Variants in SMURF1 observed in about 807,000 individuals in gnomAD.
SMURF1 encodes the protein SMAD specific E3 ubiquitin protein ligase 1.
Under a neutral mutation model 98.0 loss-of-function variants are expected in SMURF1, and 44 were observed. The observed-to-expected ratio is 0.45, with a 90% CI of 0.35 to 0.58. The LOEUF (loss-of-function observed/expected upper bound fraction) is 0.58. Ranked by LOEUF, SMURF1 falls within the 20% of genes least tolerant of loss-of-function variation. The probability of loss-of-function intolerance (pLI) is 0.00; values close to 1 mark genes in which losing one functional copy is unlikely to be tolerated. For synonymous variants in SMURF1, 396 were observed against 374.9 expected, an observed-to-expected ratio of 1.06 and a Z score of -0.65; for missense variants, 687 against 938.4, an observed-to-expected ratio of 0.73 and a Z score of 3.50.
At chr7:99,054,976 CAT>C in intron 5 of SMURF1, 111 bp from the exon 6 acceptor site, 1 of 980,176 alleles carries the variant, frequency 1.0e-6, no homozygotes, top group Non-Finnish European at 1.6e-6. Flanking sequence ...AAAAACGAGG[CAT>C]ATGTGTATGC....
intron 1 of SMURF1, among the ~76,000 whole-genome samples, chr7:99,072,699 A>G (rs1014002473): frequency 6.6e-6 from 1 of 152,174 alleles, no homozygotes; most frequent in Admixed American, 6.6e-5. Flanking sequence ...AAGGTAATAC[A>G]CTGCAAAAAC....
intron 13 of SMURF1, among the ~76,000 whole-genome samples, chr7:99,039,612 C>G (rs1315022899): frequency 1.3e-5 from 2 of 152,172 alleles, no homozygotes; most frequent in Non-Finnish European, 2.9e-5. Context: ...AAGTGATCCA[C>G]CCACCTCGGC....
At chr7:99,053,458 G>A (rs554914595) in intron 6 of SMURF1, among the ~76,000 whole-genome samples, 9 of 152,148 alleles carry the variant, frequency 5.9e-5, no homozygotes, top group South Asian at 2.1e-4. Context: ...ATCAAATACC[G>A]GTGTTCAGAT....
intron 1 of SMURF1, among the ~76,000 whole-genome samples, chr7:99,109,146 G>A (rs952249020): frequency 4.6e-5 from 7 of 152,160 alleles, no homozygotes; most frequent in Admixed American, 2.0e-4. Context: ...GAGGATGGAA[G>A]ATGACAGGAG....
intron 1 of SMURF1, among the ~76,000 whole-genome samples, chr7:99,118,997 A>G (rs1179437614): frequency 2.3e-5 from 3 of 130,536 alleles, no homozygotes; most frequent in Non-Finnish European, 4.7e-5. Context: ...AGAAGCTAAC[A>G]TGCCAATTTT....
intron 1 of SMURF1, among the ~76,000 whole-genome samples, chr7:99,117,766 A>G (rs777246066): frequency 2.1e-4 from 32 of 152,090 alleles, no homozygotes; most frequent in African/African-American, 2.9e-4. Context: ...TGGAAATCAT[A>G]TATCTGATGA....
chr7:99,071,419 T>C (rs1403224878), intron 1 of SMURF1, among the ~76,000 whole-genome samples: 1 of 152,194 alleles, frequency 6.6e-6, no homozygotes, highest in Non-Finnish European at 1.5e-5. Flanking sequence ...CCGTCATTTT[T>C]ACATCTTAAG....
chr7:99,040,295 G>T (rs111601543), intron 13 of SMURF1, 83 bp downstream of exon 13: 1 of 697,646 alleles, frequency 1.4e-6, no homozygotes, highest in Non-Finnish European at 1.8e-6. Flanking sequence ...ACACACACAC[G>T]CGCGCGCGCG....
At chr7:99,112,660 G>A (rs920153745) in intron 1 of SMURF1, among the ~76,000 whole-genome samples, 3 of 152,146 alleles carry the variant, frequency 2.0e-5, no homozygotes, top group African/African-American at 7.2e-5. Context: ...CCCTGAGGAA[G>A]CCTAGTCACT....
At chr7:99,032,646 G>A (rs1317088657) in intron 17 of SMURF1, among the ~76,000 whole-genome samples, 1 of 152,250 alleles carries the variant, frequency 6.6e-6, no homozygotes, top group African/African-American at 2.4e-5. Flanking sequence ...TCCATCCTGA[G>A]TGACAAAGCA....
intron 1 of SMURF1, among the ~76,000 whole-genome samples, chr7:99,118,562 T>C (rs1797514922): frequency 6.6e-6 from 1 of 152,224 alleles, no homozygotes; most frequent in Non-Finnish European, 1.5e-5. Context: ...ACATATGATT[T>C]CATTTTCATG....
chr7:99,045,940 C>T lies in SMURF1; in HGVS notation c.1153-139G>A, dbSNP rs151253493. 621 of 656,486 alleles carry T rather than the reference C, an allele frequency of 9.5e-4. 6 individuals are homozygous for T. Among genetic ancestry groups the T allele is most frequent in the African/African-American group, 7.5e-3 (414 of 55,016 alleles). 40.7% of individuals were successfully genotyped at this position (656,486 alleles called of 1,614,324 possible). ...TATCTGGCTCCTCATCAGAATGTTT[C>T]TTCGGCATCTAGTATATTCCATCAT... On this transcript the variant is annotated intron_variant, in intron 10 of 17. Transcript: ENST00000361368.
chr7:99,044,585 A>G (rs895154788), intron 11 of SMURF1, among the ~76,000 whole-genome samples: 9 of 152,216 alleles, frequency 5.9e-5, no homozygotes, highest in Non-Finnish European at 5.9e-5. Context: ...TGCTGAAGAG[A>G]AAGTTGTAAG....
At chr7:99,089,757 T>C (rs1476461383) in intron 1 of SMURF1, among the ~76,000 whole-genome samples, 1 of 152,256 alleles carries the variant, frequency 6.6e-6, no homozygotes, top group Admixed American at 6.5e-5. Context: ...AAGTAAACTC[T>C]AATCGATCCA....
intron 17 of SMURF1, chr7:99,031,212 G>C (rs558990368): frequency 2.0e-5 from 3 of 152,554 alleles, no homozygotes; most frequent in African/African-American, 7.2e-5. Flanking sequence ...CTGTTCCTCT[G>C]GGACTTGATC....
chr7:99,059,876 C>CTAA (rs1491165888), intron 3 of SMURF1, among the ~76,000 whole-genome samples: 1 of 150,556 alleles, frequency 6.6e-6, no homozygotes, highest in Non-Finnish European at 1.5e-5. Context: ...CCACTGCACA[C>CTAA]TCTAGCCTGG....
At chr7:99,127,383 A>C (rs1797769422) in intron 1 of SMURF1, among the ~76,000 whole-genome samples, 1 of 152,094 alleles carries the variant, frequency 6.6e-6, no homozygotes, top group Non-Finnish European at 1.5e-5. Context: ...CTGGAAGAAC[A>C]CAAGAATACC....
At chr7:99,058,312 T>G (rs1795935333) in intron 3 of SMURF1, among the ~76,000 whole-genome samples, 1 of 151,914 alleles carries the variant, frequency 6.6e-6, no homozygotes, top group Admixed American at 6.6e-5. Context: ...GTATTTTTAG[T>G]AGAGACGGGG....
intron 1 of SMURF1, among the ~76,000 whole-genome samples, chr7:99,072,458 A>T (rs558488100): frequency 1.3e-5 from 2 of 152,222 alleles, no homozygotes; most frequent in Non-Finnish European, 2.9e-5. Context: ...AGCCTGACCA[A>T]CGCAGTGAAA....
Sources: gnomAD v4.1 joint callset for allele counts (sites outside exome capture counted in the v4.1 genomes callset) on GRCh38, gnomAD v4.1.1 for gene constraint, MANE v1.5 for transcripts, NCBI Gene and HGNC (gene_info 2026-07-23, HGNC 2026-07-21) for gene names.